ANK2: variants seen among roughly 807,000 people sequenced by gnomAD.
ANK2 encodes ankyrin-2.
Under a neutral mutation model 360.5 loss-of-function variants are expected in ANK2, and 83 were observed. That is an observed-to-expected ratio of 0.23 (90% confidence interval 0.19 to 0.28). The LOEUF (loss-of-function observed/expected upper bound fraction) is 0.28, where lower values mean the gene tolerates loss of function less well. Among genes scored for constraint, ANK2 ranks in the 10% least tolerant of loss-of-function variants. ANK2 has a pLI of 1.00. For synonymous variants in ANK2, 1,740 were observed against 1,759.5 expected (o/e 0.99, Z 0.28); for missense variants, 4,201 against 4,795.7 (o/e 0.88, Z 3.66).
chr4:113,356,771 A>G lies in ANK2; in HGVS notation c.8153A>G (p.Tyr2718Cys). The change falls in exon 38 of 46, where the codon TAT becomes TGT. Residue 2718 changes from tyrosine to cysteine, a missense_variant. Around this residue, in one of 4 missense-constraint regions of ANK2, gnomAD observed 2,642 missense variants for 2,714.5 expected, o/e 0.97. Coordinates refer to ENST00000357077, the MANE Select transcript of ANK2 (RefSeq NM_001148.6). ...VQFQPVVSKQ[Y>C]TFKMNEDTQE... Reference sequence around the variant, plus strand: ...TTCCAGCCTGTCGTTTCCAAACAATATACTTTCAAGATGAATGAAGATACT... The same window carrying G: ...TTCCAGCCTGTCGTTTCCAAACAATGTACTTTCAAGATGAATGAAGATACT... 6.2e-7 allele frequency: 1 copy of G among 1,614,124 alleles called. No individual in the cohort carries two copies. Among genetic ancestry groups the G allele is most frequent in the Non-Finnish European group, 8.5e-7 (1 of 1,180,000 alleles).
At chr4:113,129,794 T>G (rs2095893146) in intron 1 of ANK2, among the ~76,000 whole-genome samples, 1 of 152,198 alleles carries the variant, frequency 6.6e-6, no homozygotes, top group Non-Finnish European at 1.5e-5. Context: ...ACTATTTTAT[T>G]CTTGATTCCT....
At chr4:112,724,276 G>C in the ANK2 span, among the ~76,000 whole-genome samples, 2 of 151,988 alleles carry the variant, frequency 1.3e-5, no homozygotes, top group African/African-American at 2.4e-5. Context: ...TGTTGGCTAG[G>C]CTGGTCTTGA....
intron 1 of ANK2, among the ~76,000 whole-genome samples, chr4:113,102,064 T>C (rs1199815015): frequency 6.6e-6 from 1 of 152,078 alleles, no homozygotes; most frequent in Admixed American, 6.6e-5. Flanking sequence ...ATTTGGGCAT[T>C]GGCTAGGTGG....
intron 1 of ANK2, among the ~76,000 whole-genome samples, chr4:113,096,938 A>T (rs1490312319): frequency 6.6e-6 from 1 of 151,310 alleles, no homozygotes; most frequent in Non-Finnish European, 1.5e-5. Context: ...ACTTTGCTTC[A>T]TTGTAAAGTA....
chr4:113,305,379 A>G (rs3025708), intron 23 of ANK2, among the ~76,000 whole-genome samples: 7,188 of 149,648 alleles, frequency 0.048, 320 homozygotes, highest in East Asian at 0.26. Flanking sequence ...AGATCTGCCT[A>G]TTGCATTAAA....
intron 2 of ANK2, among the ~76,000 whole-genome samples, chr4:112,974,470 A>C (rs2040657024): frequency 6.6e-6 from 1 of 152,238 alleles, no homozygotes; most frequent in African/African-American, 2.4e-5. Flanking sequence ...ATCAAAAAAC[A>C]GAATTGTAAG....
At chr4:113,125,624 GT>G (rs2154374373) in intron 1 of ANK2, among the ~76,000 whole-genome samples, 1 of 152,240 alleles carries the variant, frequency 6.6e-6, no homozygotes, top group Non-Finnish European at 1.5e-5. Flanking sequence ...TCTGAGATCT[GT>G]TAGAATTCTT....
At chr4:113,153,850 G>T (rs767795443) in intron 1 of ANK2, among the ~76,000 whole-genome samples, 1 of 152,196 alleles carries the variant, frequency 6.6e-6, no homozygotes, top group South Asian at 2.1e-4. Flanking sequence ...TGAGAGCCAA[G>T]AATATTTATT....
chr4:112,898,497 A>AT (rs562758135), intron 1 of ANK2, among the ~76,000 whole-genome samples: 4 of 152,144 alleles, frequency 2.6e-5, no homozygotes, highest in Non-Finnish European at 5.9e-5. Flanking sequence ...ATAAAGTGCC[A>AT]TTTTCATCAC....
the ANK2 span, among the ~76,000 whole-genome samples, chr4:112,790,519 GCT>G: frequency 1.9e-5 from 2 of 105,596 alleles, no homozygotes; most frequent in African/African-American, 7.4e-5. Flanking sequence ...ATGGAGTTTT[GCT>G]CTGTCGCCCA....
rs1219043364 is a variant in ANK2 at position 113,355,516 on chromosome 4, T to C, written c.6898T>C (p.Ser2300Pro). ...GCGAGGTGCCACAGTCACTGAGGAC[T>C]CAGAGACCTCTACTGAGAGTTTTCA... ...EERGATVTED[S>P]ETSTESFQKE... Residue 2300 changes from serine to proline, a missense_variant, in exon 38 of 46, where the codon TCA (serine) becomes CCA (proline). By Grantham distance (74) the Ser-to-Pro change is moderately conservative (BLOSUM62 -1). Coordinates refer to ENST00000357077, the MANE Select transcript of ANK2 (RefSeq NM_001148.6). 6.2e-7 allele frequency: 1 copy of C among 1,613,920 alleles called. No homozygotes were observed. The highest frequency in any genetic ancestry group is 8.5e-7 in the Non-Finnish European group (1 of 1,179,972).
At chr4:112,986,372 A>C (rs2044872610) in intron 2 of ANK2, among the ~76,000 whole-genome samples, 1 of 152,244 alleles carries the variant, frequency 6.6e-6, no homozygotes, top group Non-Finnish European at 1.5e-5. Flanking sequence ...ATATGAAGCC[A>C]TGTGTTTTGG....
At chr4:113,337,015 A>G (rs1465605374) in intron 31 of ANK2, among the ~76,000 whole-genome samples, 1 of 152,208 alleles carries the variant, frequency 6.6e-6, no homozygotes, top group African/African-American at 2.4e-5. Context: ...TCTAATCTCC[A>G]CAGTAACCCT....
chr4:112,722,445 G>C, the ANK2 span, among the ~76,000 whole-genome samples: 1 of 152,166 alleles, frequency 6.6e-6, no homozygotes, highest in Non-Finnish European at 1.5e-5. Context: ...TAAATCATAA[G>C]TACATTCACT....
intron 2 of ANK2, among the ~76,000 whole-genome samples, chr4:113,041,297 C>T (rs2062886240): frequency 6.6e-6 from 1 of 152,082 alleles, no homozygotes; most frequent in Non-Finnish European, 1.5e-5. Context: ...TGGCATCTTC[C>T]CATGCCCCAC....
the ANK2 span, among the ~76,000 whole-genome samples, chr4:112,746,197 C>T: frequency 6.6e-6 from 1 of 152,038 alleles, no homozygotes; most frequent in South Asian, 2.1e-4. Context: ...TCAAAATGTA[C>T]AAGAACTAAA....
intron 4 of ANK2, among the ~76,000 whole-genome samples, chr4:113,199,615 ATAAT>A: frequency 6.6e-6 from 1 of 152,294 alleles, no homozygotes; most frequent in African/African-American, 2.4e-5. Flanking sequence ...AAATTAAACA[ATAAT>A]TATTTAATCA....
intron 45 of ANK2, among the ~76,000 whole-genome samples, chr4:113,380,263 AAAG>A (rs59736992): frequency 6.6e-6 from 1 of 152,074 alleles, no homozygotes; most frequent in Non-Finnish European, 1.5e-5. Flanking sequence ...CTAAAAAAAA[AAAG>A]AAGAATATAT....
At chr4:113,174,215 T>G in intron 1 of ANK2, among the ~76,000 whole-genome samples, 1 of 152,234 alleles carries the variant, frequency 6.6e-6, no homozygotes, top group East Asian at 1.9e-4. Context: ...TGACTTTTAA[T>G]GTACTTAGAC....
Sources: gnomAD v4.1 joint callset for allele counts (sites outside exome capture counted in the v4.1 genomes callset) on GRCh38, gnomAD v4.1.1 for gene constraint, gnomAD v4.1.1 regional missense constraint, MANE v1.5 for transcripts, NCBI Gene and HGNC (gene_info 2026-07-23, HGNC 2026-07-21) for gene names.